Variants in CLDN10 observed in about 807,000 individuals in gnomAD.
The protein encoded by CLDN10 is claudin 10.
A neutral mutation model predicts 22.9 loss-of-function variants in CLDN10; 15 were observed. That is an observed-to-expected ratio of 0.65 (90% CI 0.44 to 1.01). The LOEUF is 1.01. Ranked by LOEUF, CLDN10 falls within the 50% of genes least tolerant of loss-of-function variation. CLDN10 has a pLI of 0.00. For synonymous variants in CLDN10, 114 were observed against 111.4 expected (o/e 1.02, Z -0.15); for missense variants, 247 against 287.8 (o/e 0.86, Z 1.03).
chr13:95,481,322 G>A (rs877962), intron 1 of CLDN10, among the ~76,000 whole-genome samples: 90,369 of 152,018 alleles, frequency 0.59, 28,090 homozygotes, highest in African/African-American at 0.79. Context: ...GAGGATGGCC[G>A]GGGCAGAACC....
intron 1 of CLDN10, among the ~76,000 whole-genome samples, chr13:95,483,271 C>T (rs2042769055): frequency 6.6e-6 from 1 of 152,198 alleles, no homozygotes; most frequent in Non-Finnish European, 1.5e-5. Context: ...GATGGGGAAA[C>T]ATTATTTGGG....
At chr13:95,527,498 G>A (rs1324274076) in intron 1 of CLDN10, among the ~76,000 whole-genome samples, 3 of 152,154 alleles carry the variant, frequency 2.0e-5, no homozygotes, top group Non-Finnish European at 2.9e-5. Flanking sequence ...GGGAGACTGA[G>A]GCGGGTGGAT....
At chr13:95,434,121 A>T (rs2042240031) in intron 1 of CLDN10, 1 of 1,335,302 alleles carries the variant, frequency 7.5e-7, no homozygotes, top group Admixed American at 1.8e-5. Flanking sequence ...GTAGCTGTCT[A>T]TGGCTGGCTG....
At chr13:95,490,630 G>A (rs1170531979) in intron 1 of CLDN10, among the ~76,000 whole-genome samples, 1 of 152,264 alleles carries the variant, frequency 6.6e-6, no homozygotes, top group African/African-American at 2.4e-5. Flanking sequence ...GCCTGACAGA[G>A]TGCTTGATAT....
At chr13:95,577,154 A>T (rs1289303822) in intron 3 of CLDN10, 77 bp from the exon 4 acceptor site, 8 of 902,358 alleles carry the variant, frequency 8.9e-6, no homozygotes, top group Non-Finnish European at 1.4e-5. Context: ...CATTTAGTAA[A>T]TGTTGACTAT....
At position 95,459,867 on chromosome 13, in the gene CLDN10, C is replaced by T. The variant is rs1048279689; in HGVS notation, c.214+25820C>T. Among the ~76,000 whole-genome samples the T allele has an allele frequency of 8.5e-5, 13 of 152,216 alleles. No homozygotes were observed. The East Asian group carries it at 1.2e-3, about 14-fold the overall frequency. Reference sequence around the variant, plus strand: ...CAAATTTTCTAAACTTTATGCTCTGCTTCCCATTTAAATATAAGTTACAAT... The same window carrying T: ...CAAATTTTCTAAACTTTATGCTCTGTTTCCCATTTAAATATAAGTTACAAT... On this transcript the variant is annotated intron_variant, in intron 1 of 4. Coordinates refer to the CLDN10 transcript ENST00000376873.
At chr13:95,461,381 A>G (rs2042535432) in intron 1 of CLDN10, among the ~76,000 whole-genome samples, 1 of 152,224 alleles carries the variant, frequency 6.6e-6, no homozygotes, top group Non-Finnish European at 1.5e-5. Context: ...GAGAGGAAAG[A>G]ACAGATACTT....
chr13:95,473,139 CAAAAAAAAAAA>C (rs765295179), intron 1 of CLDN10, among the ~76,000 whole-genome samples: 1 of 58,782 alleles, frequency 1.7e-5, no homozygotes, highest in Admixed American at 2.0e-4. Flanking sequence ...AAACCTATCT[CAAAAAAAAAAA>C]AAAAAAAAAG....
intron 1 of CLDN10, among the ~76,000 whole-genome samples, chr13:95,513,947 T>A (rs575021895): frequency 6.4e-4 from 98 of 152,300 alleles, no homozygotes; most frequent in African/African-American, 2.2e-3. Context: ...AATAACTGAT[T>A]GTTATGCTTC....
chr13:95,466,605 A>T (rs1833816784), intron 1 of CLDN10, among the ~76,000 whole-genome samples: 1 of 152,164 alleles, frequency 6.6e-6, no homozygotes, highest in African/African-American at 2.4e-5. Flanking sequence ...TAGTTTAGGA[A>T]GCAAATGAAA....
At chr13:95,514,890 G>T (rs990759303) in intron 1 of CLDN10, among the ~76,000 whole-genome samples, 2 of 152,186 alleles carry the variant, frequency 1.3e-5, no homozygotes, top group South Asian at 2.1e-4. Context: ...TATCTCAGTT[G>T]TGAGATGATG....
intron 1 of CLDN10, among the ~76,000 whole-genome samples, chr13:95,538,153 C>CTTTTTTTTTTTT (rs1176533524): frequency 2.7e-4 from 18 of 66,816 alleles, no homozygotes; most frequent in East Asian, 5.4e-4. Flanking sequence ...CTGTTTATTT[C>CTTTTTTTTTTTT]TTTTTTTTTT....
At chr13:95,467,413 T>A (rs923740848) in intron 1 of CLDN10, among the ~76,000 whole-genome samples, 2 of 152,178 alleles carry the variant, frequency 1.3e-5, no homozygotes, top group South Asian at 2.1e-4. Flanking sequence ...ATACTTTTTT[T>A]AAAACTTGGT....
At chr13:95,447,946 A>G (rs1594524940) in intron 1 of CLDN10, among the ~76,000 whole-genome samples, 1 of 152,014 alleles carries the variant, frequency 6.6e-6, no homozygotes, top group African/African-American at 2.4e-5. Flanking sequence ...GGGTGCAGCT[A>G]TGCCGCCTCT....
intron 1 of CLDN10, among the ~76,000 whole-genome samples, chr13:95,442,093 G>A (rs2042330053): frequency 6.6e-6 from 1 of 152,214 alleles, no homozygotes; most frequent in African/African-American, 2.4e-5. Context: ...CAAGGCTGCA[G>A]TGAGCTGTGA....
rs2043584361 is a variant in CLDN10 at position 95,552,888 on chromosome 13, TTGGG to T, written c.136_139del (p.Trp46ProfsTer37). The T allele has an allele frequency of 6.2e-7, 1 of 1,614,004 alleles. No homozygotes were observed. Among genetic ancestry groups the T allele is most frequent in the Admixed American group, 1.7e-5 (1 of 60,012 alleles). ...GCACGGTCATCACAACCGCCACCTA[TTGGG>T]CCAACCTGTGGAAGGCGTGCGTTAC... On this transcript the variant is annotated frameshift_variant, in exon 1 of 5. Transcript: ENST00000299339. LOFTEE classifies it high-confidence loss of function.
At chr13:95,573,963 A>T (rs2043893219) in intron 3 of CLDN10, among the ~76,000 whole-genome samples, 1 of 151,246 alleles carries the variant, frequency 6.6e-6, no homozygotes, top group South Asian at 2.1e-4. Context: ...GAGTGAGAAC[A>T]TGTGGTGTTT....
chr13:95,473,041 G>A (rs2042651021), intron 1 of CLDN10, among the ~76,000 whole-genome samples: 1 of 151,494 alleles, frequency 6.6e-6, no homozygotes, highest in African/African-American at 2.4e-5. Flanking sequence ...TCAACAGGCT[G>A]AGGTAGAAGG....
chr13:95,555,596 A>C (rs942657252), intron 1 of CLDN10, among the ~76,000 whole-genome samples: 5 of 152,196 alleles, frequency 3.3e-5, no homozygotes, highest in Non-Finnish European at 7.3e-5. Context: ...AGGACTTTGA[A>C]ATTTGTAATA....
Sources: allele counts gnomAD v4.1 joint callset (sites outside exome capture counted in the v4.1 genomes callset), GRCh38; gene constraint gnomAD v4.1.1; transcripts MANE v1.5; gene names NCBI Gene and HGNC (gene_info 2026-07-23, HGNC 2026-07-21).